PRKG1: variants seen among roughly 807,000 people sequenced by gnomAD.
PRKG1 encodes the protein cGMP-dependent protein kinase 1.
In PRKG1, 35 loss-of-function variants were observed where a neutral mutation model predicts 88.1. That is an observed-to-expected ratio of 0.40 (90% CI 0.30 to 0.53). The LOEUF is 0.53. PRKG1 is among the 20% of genes least tolerant of loss of function. The pLI, the probability that PRKG1 is intolerant of heterozygous loss-of-function variation, is 0.59. For synonymous variants in PRKG1, 303 were observed against 292.5 expected (o/e 1.04, Z -0.37); for missense variants, 540 against 839.8 (o/e 0.64, Z 4.41).
chr10:51,073,019 T>A (rs1843855185), upstream of PRKG1, among the ~76,000 whole-genome samples: 1 of 152,216 alleles, frequency 6.6e-6, no homozygotes, highest in African/African-American at 2.4e-5. Context: ...ATTATAATAT[T>A]GAGTGCCCAA....
chr10:51,212,075 G>T (rs904781211), intron 2 of PRKG1, among the ~76,000 whole-genome samples: 1 of 152,034 alleles, frequency 6.6e-6, no homozygotes, highest in East Asian at 1.9e-4. Context: ...ATACTACAAG[G>T]CTACAGTAAC....
rs1840697899 is a variant in PRKG1, at chr10:51,491,082, ATCCAAACCCTTG to A, written c.592+23247_592+23258del. Among the ~76,000 whole-genome samples, 5 of 152,142 alleles carry A rather than the reference ATCCAAACCCTTG, an allele frequency of 3.3e-5. No homozygotes were observed. The East Asian group carries it at 9.7e-4, about 29-fold the overall frequency. ...TTTTCATGTTGGCGTGCTTCTGCCT[ATCCAAACCCTTG>A]AGATCCAGGAAGACTTTGATATGTA... On this transcript the variant is annotated intron_variant, in intron 3 of 17. Coordinates refer to ENST00000373980, the MANE Select transcript of PRKG1 (RefSeq NM_006258.4).
intron 2 of PRKG1, among the ~76,000 whole-genome samples, chr10:51,153,732 G>C (rs1433989655): frequency 6.6e-6 from 1 of 151,924 alleles, no homozygotes. Flanking sequence ...TATGTGACTA[G>C]TTTTCCTGCT....
chr10:52,217,313 C>T (rs1460084795), intron 9 of PRKG1, among the ~76,000 whole-genome samples: 2 of 150,018 alleles, frequency 1.3e-5, no homozygotes, highest in African/African-American at 4.9e-5. Context: ...GGTAAATATA[C>T]ATATACACAC....
intron 3 of PRKG1, among the ~76,000 whole-genome samples, chr10:51,754,881 C>T (rs1248149278): frequency 6.6e-6 from 1 of 151,912 alleles, no homozygotes; most frequent in African/African-American, 2.4e-5. Flanking sequence ...GGTGTGTTGC[C>T]ACTATAAAAG....
At chr10:51,380,614 T>C (rs1019226011) in intron 2 of PRKG1, among the ~76,000 whole-genome samples, 6 of 151,924 alleles carry the variant, frequency 3.9e-5, no homozygotes, top group East Asian at 3.9e-4. Context: ...GGGAAAACAT[T>C]TTAAATGGTC....
chr10:51,965,535 GATAC>G, intron 5 of PRKG1, among the ~76,000 whole-genome samples: 1 of 152,224 alleles, frequency 6.6e-6, no homozygotes, highest in East Asian at 1.9e-4. Flanking sequence ...TTTTAAATTT[GATAC>G]ATTTATATTC....
intron 7 of PRKG1, among the ~76,000 whole-genome samples, chr10:52,081,861 G>A (rs1216961258): frequency 1.5e-5 from 1 of 67,996 alleles, no homozygotes; most frequent in Non-Finnish European, 2.8e-5. Flanking sequence ...AGAGAAGAAT[G>A]TTTCTTGTCC....
At chr10:51,160,875 C>CGTGTGTGT (rs71459406) in intron 2 of PRKG1, among the ~76,000 whole-genome samples, 58,147 of 149,876 alleles carry the variant, frequency 0.39, 11,590 homozygotes, top group African/African-American at 0.53. Flanking sequence ...TCTTCATGCT[C>CGTGTGTGT]GTGTGTGTGT....
At chr10:51,344,618 C>T (rs1588864122) in intron 2 of PRKG1, among the ~76,000 whole-genome samples, 1 of 152,240 alleles carries the variant, frequency 6.6e-6, no homozygotes, top group East Asian at 1.9e-4. Context: ...GAGATGATGT[C>T]TTACTCAGAA....
Position 52,151,046 on chromosome 10 carries a change from T to C in PRKG1, c.1002-10843T>C, listed in dbSNP as rs574754393. On this transcript the variant is annotated intron_variant, in intron 8 of 17. Transcript: ENST00000373980. ...TTTGCCAATTATACGAATTTGTAAATTTTAAATAATTTGTAAGTAGAGGAG... is the reference window on the plus strand; with the variant it reads ...TTTGCCAATTATACGAATTTGTAAACTTTAAATAATTTGTAAGTAGAGGAG... Among the ~76,000 whole-genome samples, 337 of 152,178 alleles carry C rather than the reference T, an allele frequency of 2.2e-3. 1 individual carries two copies. Among genetic ancestry groups the C allele is most frequent in the Non-Finnish European group, 4.3e-3 (291 of 68,030 alleles).
At chr10:52,048,611 G>A (rs1163969208) in intron 5 of PRKG1, among the ~76,000 whole-genome samples, 3 of 152,026 alleles carry the variant, frequency 2.0e-5, no homozygotes, top group Non-Finnish European at 4.4e-5. Context: ...ATAGCTAAAT[G>A]TACATTTATA....
intron 7 of PRKG1, among the ~76,000 whole-genome samples, chr10:52,108,689 A>G (rs534924287): frequency 2.0e-5 from 3 of 152,282 alleles, no homozygotes; most frequent in South Asian, 2.1e-4. Flanking sequence ...ATATTCTGTT[A>G]TTACAAAAAA....
intron 3 of PRKG1, among the ~76,000 whole-genome samples, chr10:51,474,054 T>C (rs1166781309): frequency 3.3e-5 from 5 of 151,986 alleles, no homozygotes; most frequent in Non-Finnish European, 7.4e-5. Context: ...CTAATGAATG[T>C]TTCCACAGTA....
intron 2 of PRKG1, among the ~76,000 whole-genome samples, chr10:51,450,049 C>T (rs916262133): frequency 1.3e-5 from 2 of 151,890 alleles, no homozygotes; most frequent in African/African-American, 4.8e-5. Flanking sequence ...TTGGAAGGGA[C>T]ATATTATTCA....
At chr10:51,388,669 T>C (rs1383794148) in intron 2 of PRKG1, among the ~76,000 whole-genome samples, 1 of 152,234 alleles carries the variant, frequency 6.6e-6, no homozygotes, top group East Asian at 1.9e-4. Context: ...CTCTAGATTG[T>C]TTTGGTAACT....
intron 3 of PRKG1, among the ~76,000 whole-genome samples, chr10:51,505,181 AG>A (rs1259636863): frequency 1.2e-4 from 18 of 152,122 alleles, no homozygotes; most frequent in Admixed American, 4.6e-4. Context: ...TTTAGCATGA[AG>A]GGTTGTTGAA....
intron 2 of PRKG1, among the ~76,000 whole-genome samples, chr10:51,455,416 G>T (rs1217898867): frequency 5.3e-5 from 8 of 152,206 alleles, no homozygotes; most frequent in African/African-American, 1.9e-4. Context: ...CGGCCAGCTT[G>T]AATTTCTCCT....
chr10:51,182,981 G>A (rs549110379), intron 2 of PRKG1, among the ~76,000 whole-genome samples: 1 of 151,982 alleles, frequency 6.6e-6, no homozygotes, highest in African/African-American at 2.4e-5. Context: ...TATTGATTTT[G>A]GACATATTTA....
Sources: allele counts gnomAD v4.1 joint callset (sites outside exome capture counted in the v4.1 genomes callset), GRCh38; gene constraint gnomAD v4.1.1; transcripts MANE v1.5; gene names NCBI Gene and HGNC (gene_info 2026-07-23, HGNC 2026-07-21).